Variants in UBXN2A observed in about 807,000 individuals in gnomAD.
UBXN2A encodes the protein UBX domain-containing protein 2A.
In UBXN2A, 28 loss-of-function variants were observed where a neutral mutation model predicts 28.4. The ratio of observed to expected loss-of-function variants is 0.99; its 90% CI spans 0.73 to 1.35. UBXN2A has a LOEUF of 1.35. Ranked by LOEUF, UBXN2A falls within the 40% of genes most tolerant of loss-of-function variation. UBXN2A has a pLI of 0.00. For missense variants in UBXN2A, 253 were observed against 297.9 expected (o/e 0.85, Z 1.11); for synonymous variants, 97 against 103.6 (o/e 0.94, Z 0.39).
chr2:23,941,791 G>A (rs1395872443), intron 1 of UBXN2A, among the ~76,000 whole-genome samples: 2 of 152,100 alleles, frequency 1.3e-5, no homozygotes, highest in African/African-American at 4.8e-5. Context: ...AAATAATCAG[G>A]GCCCGGAGCG....
chr2:23,989,690 C>T (rs143718302), intron 6 of UBXN2A, among the ~76,000 whole-genome samples: 1 of 151,962 alleles, frequency 6.6e-6, no homozygotes, highest in Non-Finnish European at 1.5e-5. Context: ...ATCACTGGAG[C>T]CTAGCAGTTC....
At position 23,999,857 on chromosome 2, in the gene UBXN2A, C is replaced by G. The variant is rs1173204966; in HGVS notation, c.770C>G (p.Ser257Ter). The change falls in exon 7 of 7, where the codon TCA becomes TGA. Residue 257 changes from serine (S) to a stop codon, truncating the protein, a stop_gained. Transcript: ENST00000309033. LOFTEE classifies it high-confidence loss of function. Reference sequence around the variant, plus strand: ...AAAACTGCATCTTTTAGAGAACTTTCAGAGCACTGATTTTTGATAGACTAA... The same window carrying G: ...AAAACTGCATCTTTTAGAGAACTTTGAGAGCACTGATTTTTGATAGACTAA... ...LQKTASFREL[S>*]EH 9.9e-6 allele frequency: 16 copies of G among 1,610,986 alleles called. No homozygotes were observed. Among genetic ancestry groups the G allele is most frequent in the Non-Finnish European group, 1.4e-5 (16 of 1,178,936 alleles).
intron 1 of UBXN2A, among the ~76,000 whole-genome samples, chr2:23,930,081 G>T (rs538908186): frequency 6.6e-6 from 1 of 152,214 alleles, no homozygotes; most frequent in South Asian, 2.1e-4. Flanking sequence ...GTAGAGACGA[G>T]GTTTCACCGT....
At chr2:23,951,831 T>C (rs1474899325) in intron 1 of UBXN2A, among the ~76,000 whole-genome samples, 1 of 152,196 alleles carries the variant, frequency 6.6e-6, no homozygotes, top group Non-Finnish European at 1.5e-5. Flanking sequence ...ATTTTTCTCT[T>C]TCCTTTGTGT....
At chr2:23,928,187 AAAG>A (rs1160468221) in intron 1 of UBXN2A, among the ~76,000 whole-genome samples, 40 of 151,946 alleles carry the variant, frequency 2.6e-4, no homozygotes, top group African/African-American at 7.2e-4. Flanking sequence ...GAAAAAAAAA[AAAG>A]AAGAAAGAGA....
rs143227249 is a variant in UBXN2A, at chr2:23,994,044, A to C, written c.585-5628A>C. On this transcript the variant is annotated intron_variant, in intron 6 of 6. Transcript: ENST00000309033. Reference sequence around the variant, plus strand: ...GAATTCTCTTAGCTTTGATTTGAACACATCTTCATTTTTAAAGACCATTTT... The same window carrying C: ...GAATTCTCTTAGCTTTGATTTGAACCCATCTTCATTTTTAAAGACCATTTT... 2.0e-3 allele frequency among the ~76,000 whole-genome samples: 309 copies of C among 152,218 alleles called. 1 individual carries two copies. The highest frequency in any genetic ancestry group is 6.8e-3 in the African/African-American group (283 of 41,542).
Position 24,000,902 on chromosome 2 carries a change from C to T in UBXN2A, c.*1035C>T, listed in dbSNP as rs1319948624. The T allele has an allele frequency of 6.6e-6, 1 of 152,158 alleles. No homozygotes were observed. Among genetic ancestry groups the T allele is most frequent in the African/African-American group, 2.4e-5 (1 of 41,430 alleles). The allele number at this position is 152,158 out of a possible 1,614,324, so 9.4% of individuals were successfully genotyped here. On this transcript the variant is annotated 3_prime_UTR_variant, in exon 7 of 7. Coordinates refer to ENST00000309033, the MANE Select transcript of UBXN2A (RefSeq NM_181713.4). Reference sequence around the variant, plus strand: ...TGGCTAACATTTGGGATTAGCCATTCATTTGCCACCACTCACTTAGAATAT... The same window carrying T: ...TGGCTAACATTTGGGATTAGCCATTTATTTGCCACCACTCACTTAGAATAT...
chr2:23,999,118 G>C (rs1708650814), intron 6 of UBXN2A, among the ~76,000 whole-genome samples: 1 of 152,126 alleles, frequency 6.6e-6, no homozygotes, highest in African/African-American at 2.4e-5. Context: ...TCTTTCTTTA[G>C]TGATAGGCAT....
rs199896975 is a variant in UBXN2A at position 23,976,988 on chromosome 2, T to G, written c.200T>G (p.Leu67Ter). ...TTGCAGGTAGATGTAAATATAAAATTATGGAAAAACGGATTCACCGTCAAC... is the reference window on the plus strand; with the variant it reads ...TTGCAGGTAGATGTAAATATAAAATGATGGAAAAACGGATTCACCGTCAAC... ...QKKQVDVNIK[L>*]WKNGFTVNDD... The change falls in exon 4 of 7, where the codon TTA becomes TGA. Residue 67 changes from leucine (L) to a stop codon, truncating the protein, a stop_gained. Transcript: ENST00000309033. LOFTEE classifies it high-confidence loss of function. 14 of 1,611,238 alleles carry G rather than the reference T, an allele frequency of 8.7e-6. No individual in the cohort carries two copies. Among genetic ancestry groups the G allele is most frequent in the Admixed American group, 6.7e-5 (4 of 59,944 alleles).
intron 1 of UBXN2A, among the ~76,000 whole-genome samples, chr2:23,940,863 G>A (rs535793776): frequency 8.2e-6 from 1 of 121,378 alleles, no homozygotes; most frequent in African/African-American, 2.9e-5. Context: ...CCAGGTGAGC[G>A]GCGACCCCGA....
Position 23,984,777 on chromosome 2 carries a change from A to G in UBXN2A, c.530A>G (p.Gln177Arg). 2 of 1,566,500 alleles carry G rather than the reference A, an allele frequency of 1.3e-6. No homozygotes were observed. The highest frequency in any genetic ancestry group is 1.4e-5 in the African/African-American group (1 of 71,546). Reference sequence around the variant, plus strand: ...AACTTGGAACCCATTACTAATATACAGATCTGGTTGGCCAATGGAAAAAGG... The same window carrying G: ...AACTTGGAACCCATTACTAATATACGGATCTGGTTGGCCAATGGAAAAAGG... ...LNNLEPITNI[Q>R]IWLANGKRIV... Residue 177 changes from glutamine (Q) to arginine (R), a missense_variant, in exon 6 of 7, where the codon CAG (glutamine) becomes CGG (arginine). By Grantham distance (43) the Gln-to-Arg change is conservative. Transcript: ENST00000309033.
chr2:24,002,502 C>CG lies in UBXN2A; in HGVS notation c.*2638dup, dbSNP rs2150931442. The stretch of plus-strand genomic sequence containing the variant: ...CTTGGCTCACTGCAACTTGTCCCCC[C>CG]GGGTTCAAGCGATTCTTCTGCCACA... On this transcript the variant is annotated 3_prime_UTR_variant, in exon 7 of 7. Coordinates refer to ENST00000309033, the MANE Select transcript of UBXN2A (RefSeq NM_181713.4). 6.6e-6 allele frequency: 1 copy of CG among 152,258 alleles called. No homozygotes were observed. Among genetic ancestry groups the CG allele is most frequent in the Admixed American group, 6.5e-5 (1 of 15,290 alleles). The allele number at this position is 152,258 out of a possible 1,614,324, so 9.4% of individuals were successfully genotyped here. A position where few individuals can be genotyped will look rare whatever the true frequency, so the allele number is the denominator to read the frequency against.
chr2:23,927,769 C>T (rs1341655134), intron 1 of UBXN2A, among the ~76,000 whole-genome samples: 2 of 152,150 alleles, frequency 1.3e-5, no homozygotes, highest in East Asian at 3.9e-4. Context: ...ATCGCCGCCC[C>T]CTGCCCCCGG....
upstream of UBXN2A, among the ~76,000 whole-genome samples, chr2:23,937,262 T>A (rs72796358): frequency 0.12 from 18,277 of 152,142 alleles, 1,173 homozygotes; most frequent in Middle Eastern, 0.21. Flanking sequence ...AATAAAACTA[T>A]GGCCAAGTGT....
chr2:23,979,895 G>GA (rs2150887852), intron 4 of UBXN2A, among the ~76,000 whole-genome samples: 1 of 151,102 alleles, frequency 6.6e-6, no homozygotes, highest in South Asian at 2.1e-4. Flanking sequence ...TTACCACTAT[G>GA]AAAAATATTT....
chr2:23,964,351 C>T (rs1184545177), intron 2 of UBXN2A, among the ~76,000 whole-genome samples: 1 of 152,122 alleles, frequency 6.6e-6, no homozygotes, highest in Admixed American at 6.6e-5. Flanking sequence ...GCTGGCATTA[C>T]AATCGTGTGC....
chr2:23,940,888 T>C (rs1167521417), intron 1 of UBXN2A, among the ~76,000 whole-genome samples: 1 of 150,926 alleles, frequency 6.6e-6, no homozygotes, highest in Non-Finnish European at 1.5e-5. Context: ...CTGACTCGCC[T>C]GCGGCTTGAC....
chr2:23,932,331 G>GA (rs35708014), intron 1 of UBXN2A, among the ~76,000 whole-genome samples: 3,859 of 146,822 alleles, frequency 0.026, 163 homozygotes, highest in African/African-American at 0.092. Context: ...CGTCTTGGGG[G>GA]AAAAAAAAAA....
At chr2:23,962,649 A>G (rs1706982277) in intron 2 of UBXN2A, among the ~76,000 whole-genome samples, 1 of 130,448 alleles carries the variant, frequency 7.7e-6, no homozygotes, top group African/African-American at 3.0e-5. Context: ...CTTGTTGCCC[A>G]GGCTGGAGTG....
Sources: allele counts gnomAD v4.1 joint callset (sites outside exome capture counted in the v4.1 genomes callset), GRCh38; gene constraint gnomAD v4.1.1; transcripts MANE v1.5; gene names NCBI Gene and HGNC (gene_info 2026-07-23, HGNC 2026-07-21).